ATP8B4: variants seen among roughly 807,000 people sequenced by gnomAD.
The protein encoded by ATP8B4 is ATPase phospholipid transporting 8B4 (putative), also known as probable phospholipid-transporting ATPase IM.
Under a neutral mutation model 145.6 loss-of-function variants are expected in ATP8B4, and 133 were observed. The observed-to-expected ratio is 0.91, with a 90% CI of 0.79 to 1.05. The LOEUF is 1.05. Among genes scored for constraint, ATP8B4 ranks in the 50% least tolerant of loss-of-function variants. ATP8B4 has a pLI of 0.00. For missense variants in ATP8B4, 1,458 were observed against 1,425.2 expected, an observed-to-expected ratio of 1.02 and a Z score of -0.37; for synonymous variants, 507 against 492.9, an observed-to-expected ratio of 1.03 and a Z score of -0.38.
At chr15:49,892,109 A>G (rs1299970783) in intron 23 of ATP8B4, among the ~76,000 whole-genome samples, 2 of 148,590 alleles carry the variant, frequency 1.3e-5, no homozygotes, top group Non-Finnish European at 3.0e-5. Context: ...AGCAAGACTC[A>G]CCTAAAAAAA....
intron 26 of ATP8B4, among the ~76,000 whole-genome samples, chr15:49,864,619 T>C (rs929070203): frequency 6.6e-6 from 1 of 152,218 alleles, no homozygotes; most frequent in East Asian, 1.9e-4. Context: ...ACCCTATACA[T>C]AGACCAGAGG....
At chr15:49,964,297 T>A (rs994875304) in intron 13 of ATP8B4, among the ~76,000 whole-genome samples, 1 of 152,006 alleles carries the variant, frequency 6.6e-6, no homozygotes, top group African/African-American at 2.4e-5. Context: ...TTACCCTGTA[T>A]GCAGTCACTG....
intron 1 of ATP8B4, among the ~76,000 whole-genome samples, chr15:50,152,828 G>C (rs985031783): frequency 2.0e-5 from 3 of 152,102 alleles, no homozygotes; most frequent in Non-Finnish European, 2.9e-5. Flanking sequence ...TCAAAAACCT[G>C]GTGAAGACAA....
intron 3 of ATP8B4, among the ~76,000 whole-genome samples, chr15:50,072,980 CTATATA>C (rs374525582): frequency 0.018 from 419 of 22,710 alleles, 12 homozygotes; most frequent in Middle Eastern, 0.038. Flanking sequence ...CTCTCTCTCT[CTATATA>C]TATATATATA....
At chr15:50,039,360 T>C (rs990690224) in intron 5 of ATP8B4, among the ~76,000 whole-genome samples, 1 of 152,224 alleles carries the variant, frequency 6.6e-6, no homozygotes, top group Non-Finnish European at 1.5e-5. Context: ...TAGAATCCAA[T>C]ACTGAAACAC....
At chr15:50,171,678 C>T (rs2044676371) in intron 1 of ATP8B4, among the ~76,000 whole-genome samples, 1 of 151,814 alleles carries the variant, frequency 6.6e-6, no homozygotes, top group South Asian at 2.1e-4. Flanking sequence ...AAATCCAAAC[C>T]CCAGCAGAAA....
intron 2 of ATP8B4, among the ~76,000 whole-genome samples, chr15:50,105,902 G>T (rs1038599097): frequency 7.0e-6 from 1 of 143,466 alleles, no homozygotes; most frequent in African/African-American, 2.6e-5. Context: ...ACACTATTAA[G>T]ATTGTATATA....
At chr15:50,061,275 C>A (rs74012875) in intron 3 of ATP8B4, among the ~76,000 whole-genome samples, 6,788 of 151,890 alleles carry the variant, frequency 0.045, 184 homozygotes, top group African/African-American at 0.076. Flanking sequence ...GATCAAGCAT[C>A]AAATTGGAAA....
At chr15:49,933,254 T>G (rs749174096) in intron 15 of ATP8B4, among the ~76,000 whole-genome samples, 13 of 152,046 alleles carry the variant, frequency 8.6e-5, no homozygotes, top group Middle Eastern at 3.4e-3. Context: ...TGCAATATAT[T>G]TAACAGATTT....
At chr15:50,141,238 G>C (rs950348841) in intron 1 of ATP8B4, among the ~76,000 whole-genome samples, 1 of 151,996 alleles carries the variant, frequency 6.6e-6, no homozygotes, top group Non-Finnish European at 1.5e-5. Flanking sequence ...ATAAGCTCAA[G>C]GGCTCTTTTC....
At chr15:49,896,933 C>G (rs960091928) in intron 23 of ATP8B4, 6 of 203,320 alleles carry the variant, frequency 3.0e-5, no homozygotes, top group African/African-American at 1.4e-4. Flanking sequence ...AGTAAAGATA[C>G]CTCAACATTT....
chr15:50,153,635 C>G (rs1463766624), intron 1 of ATP8B4, among the ~76,000 whole-genome samples: 1 of 87,342 alleles, frequency 1.1e-5, no homozygotes, highest in African/African-American at 4.3e-5. Context: ...CTGCGCCCAG[C>G]CTAGACACAC....
intron 2 of ATP8B4, among the ~76,000 whole-genome samples, chr15:50,102,750 G>A (rs555336699): frequency 7.4e-4 from 110 of 148,874 alleles, no homozygotes; most frequent in Non-Finnish European, 1.2e-3. Flanking sequence ...TATGAAGCCA[G>A]TATCACCCTA....
At chr15:50,043,926 G>A (rs901663255) in intron 5 of ATP8B4, among the ~76,000 whole-genome samples, 3 of 147,582 alleles carry the variant, frequency 2.0e-5, no homozygotes, top group African/African-American at 7.6e-5. Flanking sequence ...GCAGTCCGCA[G>A]TCCGGCCTGG....
At chr15:50,067,126 C>A (rs1416323603) in intron 3 of ATP8B4, among the ~76,000 whole-genome samples, 1 of 152,090 alleles carries the variant, frequency 6.6e-6, no homozygotes. Context: ...GCTTAACAAG[C>A]CTCACTTCTC....
At chr15:50,015,531 T>C (rs925077165) in intron 6 of ATP8B4, among the ~76,000 whole-genome samples, 2 of 152,212 alleles carry the variant, frequency 1.3e-5, no homozygotes, top group Admixed American at 6.5e-5. Flanking sequence ...ATTACCTATA[T>C]AGAAAAAGAT....
chr15:50,114,103 C>CTTTCTTTTTTTT (rs1555494034), intron 1 of ATP8B4, among the ~76,000 whole-genome samples: 5 of 55,646 alleles, frequency 9.0e-5, no homozygotes, highest in African/African-American at 2.0e-4. Flanking sequence ...CTCCTAGTTT[C>CTTTCTTTTTTTT]TTTTTTTTTT....
intron 9 of ATP8B4, among the ~76,000 whole-genome samples, chr15:49,993,406 T>C (rs1464727403): frequency 1.3e-5 from 2 of 151,684 alleles, no homozygotes; most frequent in African/African-American, 4.8e-5. Flanking sequence ...GATATTAAAA[T>C]TGAAATGTGT....
chr15:50,180,798 A>T (rs1222619017), intron 1 of ATP8B4, among the ~76,000 whole-genome samples: 6 of 152,188 alleles, frequency 3.9e-5, no homozygotes, highest in Non-Finnish European at 5.9e-5. Context: ...TCAGAAATGA[A>T]AAAGTCAGGA....
Sources: gnomAD v4.1 joint callset for allele counts (sites outside exome capture counted in the v4.1 genomes callset) on GRCh38, gnomAD v4.1.1 for gene constraint, MANE v1.5 for transcripts, NCBI Gene and HGNC (gene_info 2026-07-23, HGNC 2026-07-21) for gene names.